Variants in MAN1C1 observed in about 807,000 individuals in gnomAD.
MAN1C1 encodes mannosidase alpha class 1C member 1, also known as mannosyl-oligosaccharide 1,2-alpha-mannosidase IC.
In MAN1C1, 49 loss-of-function variants were observed where a neutral mutation model predicts 71.5. That is an observed-to-expected ratio of 0.69 (90% CI 0.54 to 0.87). The LOEUF (loss-of-function observed/expected upper bound fraction) is 0.87. Ranked by LOEUF, MAN1C1 falls within the 40% of genes least tolerant of loss-of-function variation. MAN1C1 has a pLI of 0.00. For missense variants in MAN1C1, 743 were observed against 835.0 expected (o/e 0.89, Z 1.36); for synonymous variants, 352 against 343.7 (o/e 1.02, Z -0.27).
chr1:25,664,404 A>C (rs1212400012), intron 1 of MAN1C1, among the ~76,000 whole-genome samples: 2 of 152,346 alleles, frequency 1.3e-5, no homozygotes, highest in East Asian at 3.9e-4. Context: ...TCAAGGAAAT[A>C]GATTTTGCAA....
intron 2 of MAN1C1, among the ~76,000 whole-genome samples, chr1:25,705,944 G>GATAAATAA (rs529176544): frequency 6.6e-6 from 1 of 152,134 alleles, no homozygotes; most frequent in Non-Finnish European, 1.5e-5. Flanking sequence ...CCCTATGTCA[G>GATAAATAA]ATAAATAAAT....
At chr1:25,653,856 G>T (rs765307935) in intron 1 of MAN1C1, among the ~76,000 whole-genome samples, 1 of 152,284 alleles carries the variant, frequency 6.6e-6, no homozygotes. Context: ...TCTCAACTGG[G>T]CTAGTTTTGC....
At position 25,618,222 on chromosome 1, in the gene MAN1C1, G is replaced by C; in HGVS notation, c.425G>C (p.Arg142Pro). 3.1e-6 allele frequency: 5 copies of C among 1,599,030 alleles called. No homozygotes were observed. The highest frequency in any genetic ancestry group is 4.3e-6 in the Non-Finnish European group (5 of 1,175,366). Reference protein sequence around the residue: ...SRPGDEGVPFRFDFNAFRSRL... With the variant: ...SRPGDEGVPFPFDFNAFRSRL... ...CCCGGGGACGAGGGCGTCCCTTTCC[G>C]CTTTGACTTCAACGCATTCCGGAGC... Residue 142 changes from arginine to proline, a missense_variant, in exon 1 of 12, where the codon CGC becomes CCC. Arg to Pro is a moderately radical substitution (Grantham distance 103). Coordinates refer to ENST00000374332, the MANE Select transcript of MAN1C1 (RefSeq NM_020379.4).
chr1:25,758,496 A>AT, intron 5 of MAN1C1, 96 bp from the exon 6 acceptor site: 1 of 1,012,192 alleles, frequency 9.9e-7, no homozygotes, highest in South Asian at 1.3e-5. Flanking sequence ...TGCCTGTCAC[A>AT]TAGTAGGTGC....
rs2047658286 is a variant in MAN1C1 at position 25,779,054 on chromosome 1, A to C, written c.1477+730A>C. 6.6e-6 allele frequency among the ~76,000 whole-genome samples: 1 copy of C among 152,074 alleles called. No individual in the cohort carries two copies. Among genetic ancestry groups the C allele is most frequent in the Non-Finnish European group, 1.5e-5 (1 of 68,012 alleles). ...GATGCCTGGTTCCACCCCGTGCGCA[A>C]ACTGCACCCCTCAGAAAAATCCCCA... is the stretch of plus-strand genomic sequence containing the variant. On this transcript the variant is annotated intron_variant, in intron 9 of 11. Coordinates refer to ENST00000374332, the MANE Select transcript of MAN1C1 (RefSeq NM_020379.4). The surrounding 1 kb of genome is among the most constrained non-coding windows in gnomAD (Gnocchi z 4.6).
intron 1 of MAN1C1, among the ~76,000 whole-genome samples, chr1:25,642,945 A>T (rs2045556906): frequency 6.6e-6 from 1 of 152,062 alleles, no homozygotes; most frequent in African/African-American, 2.4e-5. Flanking sequence ...TCTTATTTTC[A>T]TCTTCCTGAG....
At position 25,746,925 on chromosome 1, in the gene MAN1C1, C is replaced by T; in HGVS notation, c.753+142C>T. On this transcript the variant is annotated intron_variant, in intron 3 of 11. Coordinates refer to ENST00000374332, the MANE Select transcript of MAN1C1 (RefSeq NM_020379.4). The surrounding 1 kb of genome is among the most constrained non-coding windows in gnomAD (Gnocchi z 4.0). ...CAGCCCAGCAGTCTCGGAACCGGAG[C>T]TGCCGTGCAGTCTGTGCTGAGTCCC... 6.3e-6 allele frequency: 4 copies of T among 636,730 alleles called. No homozygotes were observed. Among genetic ancestry groups the T allele is most frequent in the East Asian group, 2.7e-5 (1 of 36,444 alleles). 39.4% of individuals were successfully genotyped at this position (636,730 alleles called of 1,614,324 possible). A position where few individuals can be genotyped will look rare whatever the true frequency, so the allele number is the denominator to read the frequency against.
chr1:25,622,323 G>A (rs1013949306), intron 1 of MAN1C1, among the ~76,000 whole-genome samples: 1 of 152,206 alleles, frequency 6.6e-6, no homozygotes, highest in Non-Finnish European at 1.5e-5. Flanking sequence ...CCAAGAGGCT[G>A]GCATTTAGGG....
At chr1:25,710,932 G>T (rs530136311) in intron 2 of MAN1C1, among the ~76,000 whole-genome samples, 3 of 152,218 alleles carry the variant, frequency 2.0e-5, no homozygotes, top group Non-Finnish European at 4.4e-5. Context: ...AGGCCTCGGG[G>T]TCCTCACTTG....
chr1:25,705,007 T>A (rs927065393), intron 2 of MAN1C1, among the ~76,000 whole-genome samples: 2 of 152,222 alleles, frequency 1.3e-5, no homozygotes, highest in Non-Finnish European at 2.9e-5. Context: ...CTCTTCTCAG[T>A]TGGAGAGTGA....
chr1:25,642,854 G>A (rs2045555728), intron 1 of MAN1C1, among the ~76,000 whole-genome samples: 1 of 152,158 alleles, frequency 6.6e-6, no homozygotes, highest in Non-Finnish European at 1.5e-5. Flanking sequence ...ATGGAGCTTG[G>A]CAGATGGTTG....
At position 25,713,945 on chromosome 1, in the gene MAN1C1, C is replaced by A. The variant is rs550832485; in HGVS notation, c.637+27409C>A. Among the ~76,000 whole-genome samples the A allele has an allele frequency of 2.0e-5, 3 of 152,296 alleles. No homozygotes were observed. The East Asian group carries it at 5.8e-4, about 29-fold the overall frequency. ...TCAACCTTCGTGTTTCCTGTAGCCC[C>A]TCCTCAAATAGACACACCAGCTGGC... On this transcript the variant is annotated intron_variant, in intron 2 of 11. Transcript: ENST00000374332.
chr1:25,625,249 T>C (rs141021579), intron 1 of MAN1C1, among the ~76,000 whole-genome samples: 13,544 of 151,940 alleles, frequency 0.089, 1,342 homozygotes, highest in East Asian at 0.22. Flanking sequence ...AGGTGATCCA[T>C]CCGCCTCAGC....
chr1:25,763,486 C>A (rs1196407738), intron 6 of MAN1C1, among the ~76,000 whole-genome samples: 569 of 87,444 alleles, frequency 6.5e-3, no homozygotes, highest in South Asian at 7.8e-3. Context: ...GAGACTGTCT[C>A]AAAAAAAAAA....
At position 25,775,294 on chromosome 1, in the gene MAN1C1, C is replaced by T. The variant is rs1335214457; in HGVS notation, c.1258-2811C>T. 6.6e-6 allele frequency among the ~76,000 whole-genome samples: 1 copy of T among 152,228 alleles called. No individual in the cohort carries two copies. Among genetic ancestry groups the T allele is most frequent in the African/African-American group, 2.4e-5 (1 of 41,460 alleles). ...CCAGAGCAGACCCCTGCCTGCAGCC[C>T]GGCTGCTCTGCAGGTGTCCTCAGCA... On this transcript the variant is annotated intron_variant, in intron 8 of 11. Coordinates refer to ENST00000374332, the MANE Select transcript of MAN1C1 (RefSeq NM_020379.4). This position sits in a 1 kb window ranked among gnomAD's most constrained non-coding sequence, Gnocchi z 5.1.
chr1:25,628,550 C>T (rs2045332852), intron 1 of MAN1C1, among the ~76,000 whole-genome samples: 1 of 152,136 alleles, frequency 6.6e-6, no homozygotes, highest in African/African-American at 2.4e-5. Context: ...TCAGGTGATC[C>T]ATCTGCCCCT....
chr1:25,743,047 G>T (rs1297408663), intron 2 of MAN1C1, among the ~76,000 whole-genome samples: 1 of 152,226 alleles, frequency 6.6e-6, no homozygotes, highest in African/African-American at 2.4e-5. Flanking sequence ...TCTAGGCCAG[G>T]TGTGTATGTG....
At position 25,617,507 on chromosome 1, in the gene MAN1C1, AG is replaced by A. The variant is rs1191401482; in HGVS notation, c.-287del. 6.9e-6 allele frequency: 1 copy of A among 145,094 alleles called. No individual in the cohort carries two copies. The highest frequency in any genetic ancestry group is 1.5e-5 in the Non-Finnish European group (1 of 65,628). The allele number at this position is 145,094 out of a possible 1,614,324, so 9.0% of individuals were successfully genotyped here. On this transcript the variant is annotated 5_prime_UTR_variant, in exon 1 of 12. Transcript: ENST00000374332. The surrounding 1 kb of genome is among the most constrained non-coding windows in gnomAD (Gnocchi z 5.1). ...GGCGCGGCGGGGAGGGCTCGGCCGG[AG>A]GGGAGGCTGCGGCGCGCGGCCGGTC...
rs942516394 is a variant in MAN1C1 at position 25,764,242 on chromosome 1, A to G, written c.1141+275A>G. Among the ~76,000 whole-genome samples the G allele has an allele frequency of 2.6e-5, 4 of 151,814 alleles. No individual in the cohort carries two copies. Among genetic ancestry groups the G allele is most frequent in the Non-Finnish European group, 4.4e-5 (3 of 67,954 alleles). Reference sequence around the variant, plus strand: ...AAACCCTACCTTCTCTGGCCCCATCAATGGCGCAGCCTTCCATCTCTTATG... The same window carrying G: ...AAACCCTACCTTCTCTGGCCCCATCGATGGCGCAGCCTTCCATCTCTTATG... On this transcript the variant is annotated intron_variant, in intron 7 of 11. Coordinates refer to ENST00000374332, the MANE Select transcript of MAN1C1 (RefSeq NM_020379.4). This position sits in a 1 kb window ranked among gnomAD's most constrained non-coding sequence, Gnocchi z 4.4.
Sources: allele counts gnomAD v4.1 joint callset (sites outside exome capture counted in the v4.1 genomes callset), GRCh38; gene constraint gnomAD v4.1.1; non-coding constraint Gnocchi (gnomAD v3.1); transcripts MANE v1.5; gene names NCBI Gene and HGNC (gene_info 2026-07-23, HGNC 2026-07-21).